Variants in WDR7 observed in about 807,000 individuals in gnomAD.
WDR7 encodes WD repeat-containing protein 7.
In WDR7, 46 loss-of-function variants were observed where a neutral mutation model predicts 169.4. The observed-to-expected ratio is 0.27, with a 90% CI of 0.21 to 0.35. The LOEUF is 0.35. Ranked by LOEUF, WDR7 falls within the 10% of genes least tolerant of loss-of-function variation. The pLI is 1.00. For synonymous variants in WDR7, 612 were observed against 666.8 expected (o/e 0.92, Z 1.27); for missense variants, 1,534 against 1,859.3 (o/e 0.83, Z 3.22).
chr18:56,901,092 C>T (rs931962871), intron 21 of WDR7, among the ~76,000 whole-genome samples: 1 of 152,096 alleles, frequency 6.6e-6, no homozygotes, highest in African/African-American at 2.4e-5. Flanking sequence ...TTATTATCTG[C>T]TTGGTTCTTT....
intron 21 of WDR7, among the ~76,000 whole-genome samples, chr18:56,911,950 A>T (rs181732964): frequency 2.0e-5 from 3 of 152,296 alleles, no homozygotes; most frequent in Admixed American, 1.3e-4. Flanking sequence ...TTAACTCTCT[A>T]CATTAGCGCG....
intron 16 of WDR7, among the ~76,000 whole-genome samples, chr18:56,768,582 G>T (rs2145005559): frequency 6.6e-6 from 1 of 152,242 alleles, no homozygotes; most frequent in South Asian, 2.1e-4. Context: ...CCAATTTAGG[G>T]TTGGAAGTGG....
rs115987750 is a variant in WDR7, at chr18:56,815,343, A to G, written c.3191-688A>G. 9.4e-3 allele frequency among the ~76,000 whole-genome samples: 1,430 copies of G among 152,324 alleles called. 22 individuals carry two copies. Among genetic ancestry groups the G allele is most frequent in the African/African-American group, 0.032 (1,350 of 41,560 alleles). On this transcript the variant is annotated intron_variant, in intron 19 of 27. Transcript: ENST00000254442. ...ATTGAGAAATAATGTGACAGATGCA[A>G]GATGACAACAAATATGTATCATCAA...
chr18:56,919,347 C>G (rs571601148), intron 21 of WDR7, among the ~76,000 whole-genome samples: 5 of 152,306 alleles, frequency 3.3e-5, no homozygotes, highest in Non-Finnish European at 7.4e-5. Context: ...GAAGTGGATG[C>G]TGTGCTGGAT....
At chr18:56,991,179 C>G (rs935838303) in intron 26 of WDR7, among the ~76,000 whole-genome samples, 5 of 133,790 alleles carry the variant, frequency 3.7e-5, no homozygotes, top group African/African-American at 1.5e-4. Flanking sequence ...CGGAGTCTCG[C>G]TCTGTCGCCC....
At chr18:56,906,313 G>A (rs2046475743) in intron 21 of WDR7, among the ~76,000 whole-genome samples, 1 of 152,146 alleles carries the variant, frequency 6.6e-6, no homozygotes, top group Non-Finnish European at 1.5e-5. Flanking sequence ...GGGGCAAACT[G>A]TAGATTAAGC....
chr18:56,894,637 T>A (rs940559002), intron 21 of WDR7, among the ~76,000 whole-genome samples: 1 of 152,148 alleles, frequency 6.6e-6, no homozygotes, highest in African/African-American at 2.4e-5. Flanking sequence ...ACATCCTATA[T>A]ATAATTTACC....
intron 20 of WDR7, among the ~76,000 whole-genome samples, chr18:56,817,292 C>T (rs1019976945): frequency 5.8e-4 from 87 of 148,916 alleles, no homozygotes; most frequent in Non-Finnish European, 2.1e-4. Flanking sequence ...TGCAGTGAGC[C>T]GAGATTGCAC....
chr18:56,965,816 A>G (rs2047401128), intron 26 of WDR7, among the ~76,000 whole-genome samples: 1 of 152,106 alleles, frequency 6.6e-6, no homozygotes, highest in Admixed American at 6.6e-5. Flanking sequence ...TTATAGTATA[A>G]TATAGAGGAT....
chr18:57,007,654 T>C (rs1031137904), intron 26 of WDR7, among the ~76,000 whole-genome samples: 4 of 152,158 alleles, frequency 2.6e-5, no homozygotes, highest in African/African-American at 9.7e-5. Context: ...AAATCCTCTT[T>C]TAAAGGTGAT....
intron 20 of WDR7, among the ~76,000 whole-genome samples, chr18:56,825,047 G>C (rs151133048): frequency 6.6e-6 from 1 of 152,324 alleles, no homozygotes; most frequent in East Asian, 1.9e-4. Context: ...ACTTGTGGAT[G>C]ATGGTCCCAG....
intron 26 of WDR7, among the ~76,000 whole-genome samples, chr18:57,014,761 G>C (rs2145924297): frequency 6.6e-6 from 1 of 152,220 alleles, no homozygotes; most frequent in South Asian, 2.1e-4. Flanking sequence ...TGATTGGAAA[G>C]CTTGGAGAGA....
In WDR7 at chr18:56,757,142, G is replaced by A; in HGVS notation, c.2549G>A (p.Gly850Asp). 1 of 1,614,096 alleles carries A rather than the reference G, an allele frequency of 6.2e-7. No homozygotes were observed. The change falls in exon 15 of 28, where the codon GGT becomes GAT. Residue 850 changes from glycine (G) to aspartate (D), a missense_variant. Coordinates refer to ENST00000254442, the MANE Select transcript of WDR7 (RefSeq NM_015285.3). Reference sequence around the variant, plus strand: ...GGCCATATGTCACTGATGCTGCCGGGTTATAATCAGCCTGCTTGTAAACTG... The same window carrying A: ...GGCCATATGTCACTGATGCTGCCGGATTATAATCAGCCTGCTTGTAAACTG... Reference protein sequence around the residue: ...RGGHMSLMLPGYNQPACKLSH... With the variant: ...RGGHMSLMLPDYNQPACKLSH...
chr18:56,843,482 AT>A (rs935699245), intron 20 of WDR7, among the ~76,000 whole-genome samples: 4 of 152,298 alleles, frequency 2.6e-5, no homozygotes, highest in African/African-American at 7.2e-5. Context: ...TGTCTGGCTT[AT>A]TTCACTTAGC....
intron 26 of WDR7, among the ~76,000 whole-genome samples, chr18:56,963,351 T>C (rs879607150): frequency 6.6e-6 from 1 of 152,170 alleles, no homozygotes; most frequent in Non-Finnish European, 1.5e-5. Flanking sequence ...TTCCATATTA[T>C]CGTATTAGGA....
At chr18:56,707,426 GTTTT>G (rs1232820703) in intron 12 of WDR7, among the ~76,000 whole-genome samples, 1 of 123,862 alleles carries the variant, frequency 8.1e-6, no homozygotes, top group Non-Finnish European at 1.7e-5. Context: ...TTTGCGTTTT[GTTTT>G]TTTTTTTTTT....
intron 20 of WDR7, among the ~76,000 whole-genome samples, chr18:56,848,159 C>G (rs1301577145): frequency 6.6e-6 from 1 of 152,234 alleles, no homozygotes; most frequent in African/African-American, 2.4e-5. Flanking sequence ...GAGCCTACCC[C>G]TTGCACAGTG....
At chr18:56,991,897 C>G (rs2047823554) in intron 26 of WDR7, among the ~76,000 whole-genome samples, 1 of 152,176 alleles carries the variant, frequency 6.6e-6, no homozygotes, top group African/African-American at 2.4e-5. Flanking sequence ...ATAAAATGTT[C>G]AGACTATTCA....
intron 13 of WDR7, among the ~76,000 whole-genome samples, chr18:56,718,685 G>A (rs2026248699): frequency 6.6e-6 from 1 of 152,188 alleles, no homozygotes; most frequent in African/African-American, 2.4e-5. Flanking sequence ...GATATGTAAT[G>A]TTTATACACA....
Sources: allele counts gnomAD v4.1 joint callset (sites outside exome capture counted in the v4.1 genomes callset), GRCh38; gene constraint gnomAD v4.1.1; transcripts MANE v1.5; gene names NCBI Gene and HGNC (gene_info 2026-07-23, HGNC 2026-07-21).